B3GLCT: variants seen among roughly 807,000 people sequenced by gnomAD.
B3GLCT encodes the protein beta 3-glucosyltransferase.
A neutral mutation model predicts 63.4 loss-of-function variants in B3GLCT; 65 were observed. The observed-to-expected ratio is 1.03, with a 90% CI of 0.84 to 1.26. The LOEUF (loss-of-function observed/expected upper bound fraction) is 1.26, where lower values mean the gene tolerates loss of function less well. Ranked by LOEUF, B3GLCT falls within the 50% of genes most tolerant of loss-of-function variation. The probability of loss-of-function intolerance (pLI) is 0.00; values close to 1 mark genes in which losing one functional copy is unlikely to be tolerated. For missense variants in B3GLCT, 577 were observed against 604.8 expected, an observed-to-expected ratio of 0.95 and a Z score of 0.48; for synonymous variants, 233 against 219.2, an observed-to-expected ratio of 1.06 and a Z score of -0.55.
intron 10 of B3GLCT, among the ~76,000 whole-genome samples, chr13:31,282,499 G>A (rs1357359630): frequency 6.6e-5 from 10 of 151,944 alleles, no homozygotes; most frequent in African/African-American, 1.4e-4. Context: ...AAAATTAGCC[G>A]GGCGTGGTGG....
At chr13:31,315,287 A>G (rs1566095379) in intron 12 of B3GLCT, among the ~76,000 whole-genome samples, 1 of 152,196 alleles carries the variant, frequency 6.6e-6, no homozygotes, top group Non-Finnish European at 1.5e-5. Context: ...AACTGCCTAG[A>G]AACTTGTAGA....
At chr13:31,318,232 C>A (rs1432727005) in intron 13 of B3GLCT, among the ~76,000 whole-genome samples, 1 of 152,144 alleles carries the variant, frequency 6.6e-6, no homozygotes, top group Non-Finnish European at 1.5e-5. Flanking sequence ...AAGCAGTTTT[C>A]CCTATTACTT....
At chr13:31,283,181 T>A (rs1414326880) in intron 10 of B3GLCT, 1 of 152,240 alleles carries the variant, frequency 6.6e-6, no homozygotes, top group Non-Finnish European at 1.5e-5. Context: ...TGCAGGACCC[T>A]TGCTGGGGAC....
intron 1 of B3GLCT, among the ~76,000 whole-genome samples, chr13:31,200,840 C>T (rs1472581127): frequency 6.6e-6 from 1 of 152,038 alleles, no homozygotes; most frequent in Non-Finnish European, 1.5e-5. Context: ...GCTGGCGCGG[C>T]GGGGAGGCTT....
chr13:31,322,724 G>A (rs531944918), intron 13 of B3GLCT, among the ~76,000 whole-genome samples: 7 of 152,056 alleles, frequency 4.6e-5, no homozygotes, highest in South Asian at 4.2e-4. Flanking sequence ...TTCAGAGAGC[G>A]GATCAAAAAA....
intron 12 of B3GLCT, among the ~76,000 whole-genome samples, chr13:31,300,392 GCA>G (rs1200032088): frequency 6.6e-6 from 1 of 152,192 alleles, no homozygotes; most frequent in Non-Finnish European, 1.5e-5. Context: ...CCTGCCTGCT[GCA>G]CAGATAAAAC....
intron 10 of B3GLCT, among the ~76,000 whole-genome samples, chr13:31,281,737 A>C (rs1873080056): frequency 6.6e-6 from 1 of 152,252 alleles, no homozygotes; most frequent in South Asian, 2.1e-4. Context: ...ACTGACTTGC[A>C]CACTGAGACA....
intron 14 of B3GLCT, among the ~76,000 whole-genome samples, chr13:31,325,700 A>G (rs1412540301): frequency 9.2e-5 from 14 of 152,230 alleles, no homozygotes; most frequent in Admixed American, 9.2e-4. Flanking sequence ...CCAATTCTTA[A>G]GCCTCTTTTA....
chr13:31,235,852 C>T (rs1443171366), intron 4 of B3GLCT, among the ~76,000 whole-genome samples: 1 of 152,166 alleles, frequency 6.6e-6, no homozygotes, highest in Non-Finnish European at 1.5e-5. Flanking sequence ...TGGCTACCAC[C>T]ATTCTACTTG....
chr13:31,234,930 T>C (rs968544547), intron 4 of B3GLCT, among the ~76,000 whole-genome samples: 1 of 152,058 alleles, frequency 6.6e-6, no homozygotes, highest in African/African-American at 2.4e-5. Context: ...TTAGGGAGAA[T>C]GGCATTAAGA....
rs1280389566 is a variant in B3GLCT, at chr13:31,329,851, A to AT, written c.*192dup. ...GAAGAAAAGGGGTCACAGGAGAAAC[A>AT]TTTTTTTTTCTGGGAAAAATCACTT... On this transcript the variant is annotated 3_prime_UTR_variant, in exon 15 of 15. Transcript: ENST00000343307. 1.0e-3 allele frequency: 667 copies of AT among 643,860 alleles called. No homozygotes were observed. The highest frequency in any genetic ancestry group is 2.5e-3 in the Middle Eastern group (6 of 2,362). The allele number at this position is 643,860 out of a possible 1,614,324, so 39.9% of individuals were successfully genotyped here.
chr13:31,222,965 G>C lies in B3GLCT; in HGVS notation c.134G>C (p.Ser45Thr), dbSNP rs1403704787. 4 of 1,522,698 alleles carry C rather than the reference G, an allele frequency of 2.6e-6. No individual in the cohort carries two copies. 94.3% of individuals were successfully genotyped at this position (1,522,698 alleles called of 1,614,324 possible). The change falls in exon 3 of 15, where the codon AGT becomes ACT. Residue 45 changes from serine (S) to threonine (T), a missense_variant. Ser to Thr is a moderately conservative substitution (Grantham distance 58). Coordinates refer to ENST00000343307, the MANE Select transcript of B3GLCT (RefSeq NM_194318.4). The stretch of plus-strand genomic sequence containing the variant: ...TTTAAAATACAGGATTTGGAGAAAA[G>C]TGGTATATCAAGGAAAAATGACATA... The part of the protein sequence containing the change: ...EVKQSQDLEK[S>T]GISRKNDIDL...
intron 3 of B3GLCT, among the ~76,000 whole-genome samples, chr13:31,227,430 A>G (rs942088996): frequency 1.3e-5 from 2 of 152,220 alleles, no homozygotes; most frequent in Admixed American, 1.3e-4. Flanking sequence ...AATGTTTCAG[A>G]TGTAGTAGAT....
intron 7 of B3GLCT, among the ~76,000 whole-genome samples, chr13:31,261,624 T>G (rs1421923078): frequency 6.6e-6 from 1 of 152,196 alleles, no homozygotes; most frequent in Admixed American, 6.5e-5. Flanking sequence ...GTGAAGATAG[T>G]TAAATTGTAA....
chr13:31,229,169 T>A lies in B3GLCT; in HGVS notation c.161-16T>A, dbSNP rs1048466677. ...TGTAAAAAGAAATACCTGAAAACTA[T>A]TTTTTTTTGTTCTAGACTTAAAAGG... On this transcript the variant is annotated splice_polypyrimidine_tract_variant and intron_variant, in intron 3 of 14. Coordinates refer to ENST00000343307, the MANE Select transcript of B3GLCT (RefSeq NM_194318.4). The A allele has an allele frequency of 2.2e-6, 3 of 1,336,552 alleles. No homozygotes were observed. The highest frequency in any genetic ancestry group is 3.2e-6 in the Non-Finnish European group (3 of 942,494). 82.8% of individuals were successfully genotyped at this position (1,336,552 alleles called of 1,614,324 possible). A position where few individuals can be genotyped will look rare whatever the true frequency, so the allele number is the denominator to read the frequency against.
intron 7 of B3GLCT, among the ~76,000 whole-genome samples, chr13:31,267,952 C>T (rs1343213949): frequency 6.6e-6 from 1 of 151,970 alleles, no homozygotes; most frequent in African/African-American, 2.4e-5. Context: ...GCGATCCTCC[C>T]ACCTCAGCCT....
intron 12 of B3GLCT, among the ~76,000 whole-genome samples, chr13:31,297,815 A>G (rs968381893): frequency 6.6e-6 from 1 of 152,118 alleles, no homozygotes; most frequent in African/African-American, 2.4e-5. Flanking sequence ...TGGCTCTCAG[A>G]ACTCAGGGAA....
At chr13:31,295,986 G>A (rs537889671) in intron 12 of B3GLCT, among the ~76,000 whole-genome samples, 3 of 152,318 alleles carry the variant, frequency 2.0e-5, no homozygotes, top group African/African-American at 7.2e-5. Context: ...TGTGAAGACC[G>A]TGGGACAAGT....
At chr13:31,308,462 C>T (rs1394167532) in intron 12 of B3GLCT, among the ~76,000 whole-genome samples, 3 of 151,726 alleles carry the variant, frequency 2.0e-5, no homozygotes, top group Non-Finnish European at 4.4e-5. Flanking sequence ...TGGCAGTCCC[C>T]CTTCTCAGGG....
Sources: gnomAD v4.1 joint callset for allele counts (sites outside exome capture counted in the v4.1 genomes callset) on GRCh38, gnomAD v4.1.1 for gene constraint, MANE v1.5 for transcripts, NCBI Gene and HGNC (gene_info 2026-07-23, HGNC 2026-07-21) for gene names.